SH3GL2: variants seen among roughly 807,000 people sequenced by gnomAD.
The protein encoded by SH3GL2 is endophilin-A1.
A neutral mutation model predicts 46.0 loss-of-function variants in SH3GL2; 24 were observed. The observed-to-expected ratio is 0.52, with a 90% CI of 0.38 to 0.73. The LOEUF is 0.73. SH3GL2 is among the 30% of genes least tolerant of loss of function. SH3GL2 has a pLI of 0.00. For missense variants in SH3GL2, 413 were observed against 424.2 expected, an observed-to-expected ratio of 0.97 and a Z score of 0.23; for synonymous variants, 196 against 147.1, an observed-to-expected ratio of 1.33 and a Z score of -2.40.
chr9:17,745,886 CTT>C, intron 1 of SH3GL2, among the ~76,000 whole-genome samples: 1 of 152,180 alleles, frequency 6.6e-6, no homozygotes, highest in South Asian at 2.1e-4. Context: ...TGTGCGATAA[CTT>C]TATGTAATAC....
intron 1 of SH3GL2, among the ~76,000 whole-genome samples, chr9:17,601,437 A>G (rs1818670765): frequency 6.6e-6 from 1 of 152,084 alleles, no homozygotes; most frequent in African/African-American, 2.4e-5. Context: ...TAAAGGATGA[A>G]GGCTGGATTA....
intron 3 of SH3GL2, among the ~76,000 whole-genome samples, chr9:17,781,683 T>A (rs1823814295): frequency 1.3e-5 from 2 of 152,148 alleles, no homozygotes; most frequent in African/African-American, 4.8e-5. Context: ...CAGCAGTATT[T>A]GAGAGTTCTG....
At chr9:17,794,155 A>G (rs1183733822) in intron 8 of SH3GL2, among the ~76,000 whole-genome samples, 1 of 152,204 alleles carries the variant, frequency 6.6e-6, no homozygotes, top group East Asian at 1.9e-4. Flanking sequence ...CAAATAGAGC[A>G]TTCTTTACCT....
intron 1 of SH3GL2, among the ~76,000 whole-genome samples, chr9:17,583,822 A>T (rs1563771349): frequency 6.6e-6 from 1 of 152,100 alleles, no homozygotes. Flanking sequence ...TTTTATATGG[A>T]TGCTTTGCTC....
At chr9:17,586,325 A>G (rs1818377027) in intron 1 of SH3GL2, among the ~76,000 whole-genome samples, 1 of 152,208 alleles carries the variant, frequency 6.6e-6, no homozygotes, top group African/African-American at 2.4e-5. Flanking sequence ...TTACTTGGAT[A>G]CTTAGGACAC....
intron 1 of SH3GL2, chr9:17,653,849 C>G: frequency 4.1e-6 from 4 of 980,174 alleles, no homozygotes; most frequent in South Asian, 4.7e-5. Context: ...GGTGAACATT[C>G]ATGGAGACAT....
In SH3GL2 at chr9:17,595,523, T is replaced by C. The variant is rs1395789631; in HGVS notation, c.45+16236T>C. 1.3e-5 allele frequency among the ~76,000 whole-genome samples: 2 copies of C among 152,224 alleles called. 1 individual carries two copies. Among genetic ancestry groups the C allele is most frequent in the Non-Finnish European group, 2.9e-5 (2 of 68,040 alleles). ...ACACTTCTGGAGATCAGTAGTTCTC[T>C]TCCCTGTAATTCTGTTTTTAGGAAA... On this transcript the variant is annotated intron_variant, in intron 1 of 8. Coordinates refer to ENST00000380607, the MANE Select transcript of SH3GL2 (RefSeq NM_003026.5).
intron 3 of SH3GL2, among the ~76,000 whole-genome samples, chr9:17,768,953 C>G (rs1471429092): frequency 6.6e-6 from 1 of 152,222 alleles, no homozygotes; most frequent in Non-Finnish European, 1.5e-5. Context: ...ATGTTCCTGG[C>G]TGTCTCCATC....
chr9:17,644,362 T>C (rs1819756178), intron 1 of SH3GL2, among the ~76,000 whole-genome samples: 1 of 152,216 alleles, frequency 6.6e-6, no homozygotes, highest in South Asian at 2.1e-4. Flanking sequence ...TTTCTTGTTT[T>C]CTGCTAGCTT....
chr9:17,603,643 C>T (rs914778685), intron 1 of SH3GL2, among the ~76,000 whole-genome samples: 1 of 152,042 alleles, frequency 6.6e-6, no homozygotes, highest in Non-Finnish European at 1.5e-5. Flanking sequence ...CATGGGTCAC[C>T]TGAGGTCAGG....
intron 1 of SH3GL2, among the ~76,000 whole-genome samples, chr9:17,664,786 C>CT (rs1256451289): frequency 1.3e-5 from 2 of 151,714 alleles, no homozygotes; most frequent in African/African-American, 4.8e-5. Context: ...CATGTATAAT[C>CT]TTTCTTTCCT....
intron 1 of SH3GL2, among the ~76,000 whole-genome samples, chr9:17,656,505 T>C (rs889131581): frequency 2.6e-5 from 4 of 152,096 alleles, no homozygotes; most frequent in East Asian, 3.9e-4. Context: ...TTGATGAAAA[T>C]GATCTGTTGC....
At chr9:17,737,076 A>G (rs1241867767) in intron 1 of SH3GL2, among the ~76,000 whole-genome samples, 1 of 152,172 alleles carries the variant, frequency 6.6e-6, no homozygotes, top group Non-Finnish European at 1.5e-5. Flanking sequence ...GCTGGAAACC[A>G]TCATTCTCAG....
At chr9:17,628,632 T>C (rs923593254) in intron 1 of SH3GL2, among the ~76,000 whole-genome samples, 3 of 152,156 alleles carry the variant, frequency 2.0e-5, no homozygotes, top group Non-Finnish European at 4.4e-5. Context: ...GGCTTTTTTT[T>C]CTTCTTTTTA....
intron 1 of SH3GL2, among the ~76,000 whole-genome samples, chr9:17,619,985 T>C (rs1167877423): frequency 2.0e-5 from 3 of 152,230 alleles, no homozygotes; most frequent in African/African-American, 7.2e-5. Flanking sequence ...TCTTGAAGTT[T>C]TCTGAGAAAA....
intron 1 of SH3GL2, among the ~76,000 whole-genome samples, chr9:17,720,439 A>G (rs927891768): frequency 6.6e-6 from 1 of 152,120 alleles, no homozygotes; most frequent in African/African-American, 2.4e-5. Context: ...ATGAACAGAA[A>G]AGGGAAAGTG....
At chr9:17,724,164 T>C (rs973784293) in intron 1 of SH3GL2, among the ~76,000 whole-genome samples, 1 of 152,092 alleles carries the variant, frequency 6.6e-6, no homozygotes, top group African/African-American at 2.4e-5. Flanking sequence ...CCTGTTTACT[T>C]TTTCTTCTTT....
intron 1 of SH3GL2, among the ~76,000 whole-genome samples, chr9:17,730,315 C>A (rs1228667954): frequency 6.6e-6 from 1 of 151,906 alleles, no homozygotes; most frequent in Non-Finnish European, 1.5e-5. Flanking sequence ...TTTTTTTAAT[C>A]CTGAGACTGC....
intron 1 of SH3GL2, among the ~76,000 whole-genome samples, chr9:17,586,700 C>G (rs1196564371): frequency 6.6e-6 from 1 of 152,070 alleles, no homozygotes; most frequent in East Asian, 1.9e-4. Context: ...CTTATAAAAC[C>G]GTCAGCTCTC....
Sources: gnomAD v4.1 joint callset for allele counts (sites outside exome capture counted in the v4.1 genomes callset) on GRCh38, gnomAD v4.1.1 for gene constraint, MANE v1.5 for transcripts, NCBI Gene and HGNC (gene_info 2026-07-23, HGNC 2026-07-21) for gene names.